The following GABBR2 variants were observed in gnomAD, a reference collection of about 807,000 sequenced individuals.
GABBR2 encodes the protein gamma-aminobutyric acid type B receptor subunit 2.
GABBR2 carries 23 observed loss-of-function variants against 105.6 expected under a neutral mutation model. The observed-to-expected ratio is 0.22, with a 90% CI of 0.16 to 0.31. GABBR2 has a LOEUF of 0.31. Among genes scored for constraint, GABBR2 ranks in the 10% least tolerant of loss-of-function variants. GABBR2 has a pLI of 1.00. For synonymous variants in GABBR2, 478 were observed against 499.7 expected, an observed-to-expected ratio of 0.96 and a Z score of 0.58; for missense variants, 734 against 1,245.5, an observed-to-expected ratio of 0.59 and a Z score of 6.18.
intron 1 of GABBR2, among the ~76,000 whole-genome samples, chr9:98,592,685 G>A (rs967377173): frequency 1.3e-5 from 2 of 152,218 alleles, no homozygotes; most frequent in East Asian, 3.9e-4. Context: ...GGAGAGTGTT[G>A]TAGAAATGAT....
At chr9:98,456,071 C>T (rs1044307126) in intron 6 of GABBR2, among the ~76,000 whole-genome samples, 1 of 152,156 alleles carries the variant, frequency 6.6e-6, no homozygotes, top group African/African-American at 2.4e-5. Context: ...TCCAGCTCAG[C>T]TCCCTGAGTT....
intron 13 of GABBR2, among the ~76,000 whole-genome samples, chr9:98,330,393 G>A (rs532421329): frequency 2.6e-5 from 4 of 152,326 alleles, no homozygotes; most frequent in African/African-American, 9.6e-5. Flanking sequence ...ACATGGAGGA[G>A]AGCAGGGACA....
chr9:98,413,422 C>T (rs1832624474), intron 7 of GABBR2, among the ~76,000 whole-genome samples: 2 of 152,038 alleles, frequency 1.3e-5, no homozygotes, highest in African/African-American at 4.8e-5. Context: ...TATATCCACC[C>T]ACATGTTCTG....
At chr9:98,689,912 GAA>G (rs1453729106) in intron 1 of GABBR2, among the ~76,000 whole-genome samples, 1 of 152,162 alleles carries the variant, frequency 6.6e-6, no homozygotes, top group Non-Finnish European at 1.5e-5. Context: ...TATAGAGAAT[GAA>G]AGAGTCCAAC....
intron 7 of GABBR2, among the ~76,000 whole-genome samples, chr9:98,447,862 A>G (rs945908843): frequency 1.3e-5 from 2 of 151,810 alleles, no homozygotes; most frequent in Non-Finnish European, 2.9e-5. Context: ...GCATTTTTTG[A>G]GTCTTAGTAG....
At chr9:98,622,920 A>G (rs555209641) in intron 1 of GABBR2, among the ~76,000 whole-genome samples, 8 of 152,272 alleles carry the variant, frequency 5.3e-5, no homozygotes, top group African/African-American at 1.9e-4. Flanking sequence ...TATTTGTCCA[A>G]ACCCACAGAA....
intron 6 of GABBR2, among the ~76,000 whole-genome samples, chr9:98,467,969 A>T (rs989859313): frequency 6.6e-6 from 1 of 152,256 alleles, no homozygotes; most frequent in Non-Finnish European, 1.5e-5. Flanking sequence ...GGAAGCTGAC[A>T]CTTGAAATCA....
intron 1 of GABBR2, among the ~76,000 whole-genome samples, chr9:98,673,710 A>T (rs1830435205): frequency 6.6e-6 from 1 of 152,202 alleles, no homozygotes; most frequent in South Asian, 2.1e-4. Flanking sequence ...ACCCGAGTAC[A>T]ATTGATGCCC....
chr9:98,442,553 C>G (rs773440402), intron 7 of GABBR2, among the ~76,000 whole-genome samples: 16 of 152,222 alleles, frequency 1.1e-4, no homozygotes, highest in Non-Finnish European at 1.8e-4. Context: ...ACTTAATCCT[C>G]TACCTCCTTA....
At chr9:98,604,481 G>C (rs1278208690) in intron 1 of GABBR2, among the ~76,000 whole-genome samples, 1 of 152,184 alleles carries the variant, frequency 6.6e-6, no homozygotes, top group Non-Finnish European at 1.5e-5. Context: ...CCAGAAGATT[G>C]TGTTGTCATG....
chr9:98,401,817 G>A (rs1832399636), intron 8 of GABBR2, among the ~76,000 whole-genome samples: 2 of 152,154 alleles, frequency 1.3e-5, no homozygotes, highest in African/African-American at 2.4e-5. Context: ...ACTGGCATTC[G>A]GCCAGAGAGA....
At chr9:98,327,384 C>T (rs377412594) in intron 13 of GABBR2, among the ~76,000 whole-genome samples, 1 of 152,008 alleles carries the variant, frequency 6.6e-6, no homozygotes, top group Non-Finnish European at 1.5e-5. Flanking sequence ...GGCTCCTTGG[C>T]CCCTCCAGCA....
chr9:98,337,969 C>G (rs1588110053), intron 13 of GABBR2, among the ~76,000 whole-genome samples: 2 of 152,278 alleles, frequency 1.3e-5, no homozygotes, highest in East Asian at 1.9e-4. Context: ...TTGCAGTGAG[C>G]TGAGATTGTG....
At chr9:98,480,168 C>A (rs1360091666) in intron 5 of GABBR2, among the ~76,000 whole-genome samples, 1 of 152,184 alleles carries the variant, frequency 6.6e-6, no homozygotes, top group Non-Finnish European at 1.5e-5. Flanking sequence ...CAGTGACTCA[C>A]CTGCCTGGGC....
chr9:98,532,797 A>G lies in GABBR2; in HGVS notation c.630+9076T>C, dbSNP rs572636279. 3.3e-5 allele frequency among the ~76,000 whole-genome samples: 5 copies of G among 152,230 alleles called. No individual in the cohort carries two copies. The South Asian group carries it at 8.3e-4, about 25-fold the overall frequency. ...GAGAACGACTGGTGTAGAAGTCAGT[A>G]TTGCCCAATCCTGAAGAGAGAGGAT... is the stretch of plus-strand genomic sequence containing the variant. On this transcript the variant is annotated intron_variant, in intron 3 of 18. Coordinates refer to ENST00000259455, the MANE Select transcript of GABBR2 (RefSeq NM_005458.8).
intron 7 of GABBR2, among the ~76,000 whole-genome samples, chr9:98,421,134 T>C (rs1832776456): frequency 6.6e-6 from 1 of 152,174 alleles, no homozygotes; most frequent in African/African-American, 2.4e-5. Context: ...TGTGGCATAT[T>C]TTAAATTTCT....
intron 4 of GABBR2, among the ~76,000 whole-genome samples, chr9:98,489,379 A>T (rs922507961): frequency 6.6e-6 from 1 of 152,228 alleles, no homozygotes; most frequent in African/African-American, 2.4e-5. Flanking sequence ...GCGCTGACGC[A>T]GGCAAGCAAG....
chr9:98,350,192 C>T (rs1405175320), intron 13 of GABBR2, among the ~76,000 whole-genome samples: 1 of 148,694 alleles, frequency 6.7e-6, no homozygotes, highest in African/African-American at 2.5e-5. Flanking sequence ...AAAAAAACCC[C>T]ACAAGTTCTC....
At chr9:98,557,444 C>T (rs1250418230) in intron 2 of GABBR2, among the ~76,000 whole-genome samples, 2 of 152,158 alleles carry the variant, frequency 1.3e-5, no homozygotes, top group African/African-American at 4.8e-5. Context: ...GAGGGAAAAC[C>T]AGGGTCCATG....
Sources: gnomAD v4.1 joint callset for allele counts (sites outside exome capture counted in the v4.1 genomes callset) on GRCh38, gnomAD v4.1.1 for gene constraint, MANE v1.5 for transcripts, NCBI Gene and HGNC (gene_info 2026-07-23, HGNC 2026-07-21) for gene names.